Variants in PDE10A observed in about 807,000 individuals in gnomAD.
The protein encoded by PDE10A is phosphodiesterase 10A.
In PDE10A, 39 loss-of-function variants were observed where a neutral mutation model predicts 97.7. The observed-to-expected ratio is 0.40, with a 90% CI of 0.31 to 0.52. The LOEUF (loss-of-function observed/expected upper bound fraction) is 0.52, where lower values mean the gene tolerates loss of function less well. Among genes scored for constraint, PDE10A ranks in the 20% least tolerant of loss-of-function variants. PDE10A has a pLI of 0.56. For synonymous variants in PDE10A, 371 were observed against 376.8 expected (o/e 0.98, Z 0.18); for missense variants, 731 against 1,047.8 (o/e 0.70, Z 4.17).
chr6:165,406,826 T>C (rs984766567), intron 13 of PDE10A, among the ~76,000 whole-genome samples: 10 of 152,122 alleles, frequency 6.6e-5, no homozygotes, highest in African/African-American at 2.2e-4. Flanking sequence ...GAAGGCAAAG[T>C]GTCTCTCTGT....
intron 1 of PDE10A, among the ~76,000 whole-genome samples, chr6:165,733,084 G>A (rs544829272): frequency 6.6e-6 from 1 of 152,298 alleles, no homozygotes; most frequent in South Asian, 2.1e-4. Flanking sequence ...CAGAAACGGC[G>A]TGTGTTTACA....
intron 1 of PDE10A, among the ~76,000 whole-genome samples, chr6:165,912,398 A>G (rs938625796): frequency 6.6e-6 from 1 of 152,208 alleles, no homozygotes; most frequent in Non-Finnish European, 1.5e-5. Context: ...TGGAGAGGGA[A>G]AGAATCCAAG....
At chr6:165,444,357 T>A (rs1790687593) in intron 5 of PDE10A, among the ~76,000 whole-genome samples, 1 of 152,214 alleles carries the variant, frequency 6.6e-6, no homozygotes, top group Non-Finnish European at 1.5e-5. Flanking sequence ...AGAAAAGGAA[T>A]CACAAGTTGG....
chr6:165,736,691 T>C (rs958281756), intron 1 of PDE10A, among the ~76,000 whole-genome samples: 2 of 152,238 alleles, frequency 1.3e-5, no homozygotes. Context: ...TAAATGTCTA[T>C]GTTAAGGAAA....
chr6:165,726,717 A>G (rs1054133449), intron 1 of PDE10A, among the ~76,000 whole-genome samples: 1 of 152,214 alleles, frequency 6.6e-6, no homozygotes, highest in South Asian at 2.1e-4. Flanking sequence ...CCTGGGGCCA[A>G]GCCGGCCCTC....
chr6:165,691,083 C>T (rs1562686795), intron 1 of PDE10A, among the ~76,000 whole-genome samples: 3 of 48,524 alleles, frequency 6.2e-5, no homozygotes, highest in South Asian at 1.4e-3. Flanking sequence ...CTTTCTCTCT[C>T]TCTCTCTCTC....
chr6:165,471,061 C>T (rs1778971384), intron 3 of PDE10A, among the ~76,000 whole-genome samples: 1 of 152,150 alleles, frequency 6.6e-6, no homozygotes, highest in Non-Finnish European at 1.5e-5. Flanking sequence ...ATTCCAATTG[C>T]TCCAAGAAAA....
At chr6:165,673,987 T>TTTA (rs1210003701) in intron 1 of PDE10A, among the ~76,000 whole-genome samples, 20 of 116,890 alleles carry the variant, frequency 1.7e-4, no homozygotes, top group African/African-American at 5.8e-4. Flanking sequence ...TTAAAATTTT[T>TTTA]TAAAGTGTTT....
At chr6:165,668,752 AAAGG>A (rs982523358) in intron 1 of PDE10A, among the ~76,000 whole-genome samples, 20 of 125,536 alleles carry the variant, frequency 1.6e-4, no homozygotes, top group Admixed American at 1.6e-3. Flanking sequence ...ACAGAAAGAG[AAAGG>A]AAGGAAGGAA....
chr6:165,416,125 G>C, intron 12 of PDE10A, 64 bp downstream of exon 12: 2 of 1,049,466 alleles, frequency 1.9e-6, no homozygotes, highest in South Asian at 1.3e-5. Flanking sequence ...CCACGGAAGA[G>C]GTTTCAGCTG....
At chr6:165,351,173 C>A (rs1301523090) in intron 18 of PDE10A, among the ~76,000 whole-genome samples, 1 of 151,994 alleles carries the variant, frequency 6.6e-6, no homozygotes, top group South Asian at 2.1e-4. Context: ...ACTTTATACA[C>A]AATTGGGCTT....
chr6:165,937,725 T>A (rs1267652541), intron 1 of PDE10A, among the ~76,000 whole-genome samples: 1 of 152,164 alleles, frequency 6.6e-6, no homozygotes, highest in Non-Finnish European at 1.5e-5. Context: ...TGTTGTCAGT[T>A]TCACAAAACC....
At chr6:165,652,153 C>A (rs928684671) in intron 1 of PDE10A, among the ~76,000 whole-genome samples, 4 of 152,154 alleles carry the variant, frequency 2.6e-5, no homozygotes, top group African/African-American at 7.2e-5. Flanking sequence ...AACTTCTGGT[C>A]CTGGGACACC....
chr6:165,636,480 T>A (rs1232346971), intron 1 of PDE10A, among the ~76,000 whole-genome samples: 2 of 152,158 alleles, frequency 1.3e-5, no homozygotes, highest in Admixed American at 1.3e-4. Flanking sequence ...TTATTACAAT[T>A]TACAGCTTTT....
chr6:165,521,089 T>C (rs978541898), intron 2 of PDE10A, among the ~76,000 whole-genome samples: 1 of 152,232 alleles, frequency 6.6e-6, no homozygotes, highest in Non-Finnish European at 1.5e-5. Context: ...ATTTTCACGA[T>C]ATTCAAAATA....
chr6:165,409,164 CAAAAA>C (rs61455081), intron 13 of PDE10A, among the ~76,000 whole-genome samples: 3 of 108,136 alleles, frequency 2.8e-5, no homozygotes, highest in Non-Finnish European at 5.5e-5. Flanking sequence ...GACTCCATCT[CAAAAA>C]AAAAAAAAAA....
rs921054856 is a variant in PDE10A at position 165,663,235 on chromosome 6, G to A, written c.-424C>T. ...GGTGGTGGCGGCGGCGGCAGAAGAC[G>A]CCCACTGGCGGAGCAGGCGCTCCCC... On this transcript the variant is annotated 5_prime_UTR_variant, in exon 1 of 22. Transcript: ENST00000539869. Among the ~76,000 whole-genome samples, 7 of 151,004 alleles carry A rather than the reference G, an allele frequency of 4.6e-5. No individual in the cohort carries two copies. The highest frequency in any genetic ancestry group is 1.7e-4 in the African/African-American group (7 of 41,128).
At chr6:165,675,603 C>T (rs1157714325) in intron 1 of PDE10A, among the ~76,000 whole-genome samples, 1 of 152,212 alleles carries the variant, frequency 6.6e-6, no homozygotes, top group Non-Finnish European at 1.5e-5. Context: ...GACTCCTAGT[C>T]TTCCCAAATC....
intron 1 of PDE10A, among the ~76,000 whole-genome samples, chr6:165,561,485 T>C (rs1784520801): frequency 6.6e-6 from 1 of 152,140 alleles, no homozygotes. Context: ...TGTAAAATCA[T>C]GTAAGCCAAA....
Sources: gnomAD v4.1 joint callset for allele counts (sites outside exome capture counted in the v4.1 genomes callset) on GRCh38, gnomAD v4.1.1 for gene constraint, MANE v1.5 for transcripts, NCBI Gene and HGNC (gene_info 2026-07-23, HGNC 2026-07-21) for gene names.